Variants in ARIH1 observed in about 807,000 individuals in gnomAD.
The protein encoded by ARIH1 is ariadne RBR E3 ubiquitin protein ligase 1.
A neutral mutation model predicts 85.0 loss-of-function variants in ARIH1; 8 were observed. The ratio of observed to expected loss-of-function variants is 0.09; its 90% CI spans 0.06 to 0.17. The LOEUF is 0.17. Among genes scored for constraint, ARIH1 ranks in the 10% least tolerant of loss-of-function variants. The pLI, the probability that ARIH1 is intolerant of heterozygous loss-of-function variation, is 1.00. For synonymous variants in ARIH1, 238 were observed against 253.6 expected, an observed-to-expected ratio of 0.94 and a Z score of 0.59; for missense variants, 311 against 718.1, an observed-to-expected ratio of 0.43 and a Z score of 6.48.
At chr15:72,518,501 C>A (rs1340034949) in intron 2 of ARIH1, among the ~76,000 whole-genome samples, 8 of 152,010 alleles carry the variant, frequency 5.3e-5, no homozygotes. Context: ...AAAAAGATTT[C>A]TTGCTCATCC....
intron 10 of ARIH1, among the ~76,000 whole-genome samples, chr15:72,571,151 A>G (rs892612430): frequency 7.3e-5 from 11 of 150,902 alleles, no homozygotes; most frequent in Non-Finnish European, 1.5e-4. Context: ...AAAAAAAAAA[A>G]AAAAAAAGAA....
chr15:72,508,728 C>T (rs1056052610), intron 1 of ARIH1, among the ~76,000 whole-genome samples: 6 of 147,172 alleles, frequency 4.1e-5, no homozygotes, highest in East Asian at 2.0e-4. Context: ...GAGTCTCTCT[C>T]TATCACCCAG....
Position 72,591,273 on chromosome 15 carries a change from C to CAT in ARIH1, c.*7981_*7982insAT, listed in dbSNP as rs2064342465. On this transcript the variant is annotated 3_prime_UTR_variant, in exon 14 of 14. Transcript: ENST00000379887. ...AAGAAGAAGAAATACAAAACCAACT[C>CAT]TTTATAGTAGACAGTTTATCCCCCA... The CAT allele has an allele frequency of 6.7e-6, 1 of 149,010 alleles. No individual in the cohort carries two copies. The highest frequency in any genetic ancestry group is 2.5e-5 in the African/African-American group (1 of 40,698). 9.2% of individuals were successfully genotyped at this position (149,010 alleles called of 1,614,324 possible).
intron 3 of ARIH1, among the ~76,000 whole-genome samples, chr15:72,554,575 CAG>C (rs1159755133): frequency 2.6e-5 from 4 of 152,032 alleles, no homozygotes; most frequent in Non-Finnish European, 4.4e-5. Context: ...TTTGTGGAGA[CAG>C]AGTCTCACTA....
At chr15:72,478,764 G>A (rs1456754835) in intron 1 of ARIH1, among the ~76,000 whole-genome samples, 2 of 152,160 alleles carry the variant, frequency 1.3e-5, no homozygotes, top group Non-Finnish European at 2.9e-5. Flanking sequence ...CCACTGTCAC[G>A]ATTTTGACTC....
Position 72,498,961 on chromosome 15 carries a change from A to ATTTTTTTTT in ARIH1, c.376-19077_376-19069dup, listed in dbSNP as rs535261674. Among the ~76,000 whole-genome samples the ATTTTTTTTT allele has an allele frequency of 7.1e-4, 63 of 88,428 alleles. 2 individuals carry two copies. The highest frequency in any genetic ancestry group is 1.0e-3 in the Admixed American group (8 of 7,782). The allele number at this position is 88,428 out of a possible 152,430, so 58.0% of individuals were successfully genotyped here. A position where few individuals can be genotyped will look rare whatever the true frequency, so the allele number is the denominator to read the frequency against. On this transcript the variant is annotated intron_variant, in intron 1 of 13. Coordinates refer to ENST00000379887, the MANE Select transcript of ARIH1 (RefSeq NM_005744.5). ...TTATGTCGTTTGCACCTTTTCATAA[A>ATTTTTTTTT]TTTTTTTTTTTTTTTTTTTTTTTTT...
At chr15:72,555,163 AT>A in intron 3 of ARIH1, 107 bp from the exon 4 acceptor site, 1 of 748,864 alleles carries the variant, frequency 1.3e-6, no homozygotes, top group Non-Finnish European at 2.2e-6. Flanking sequence ...CAAATTGGAC[AT>A]TTTAGCCACG....
chr15:72,548,336 T>C (rs987905431), intron 3 of ARIH1, among the ~76,000 whole-genome samples: 23 of 152,118 alleles, frequency 1.5e-4, no homozygotes, highest in African/African-American at 5.6e-4. Context: ...AACTGGGGGA[T>C]GGTAAATAGT....
At chr15:72,566,779 C>A (rs1185383574) in intron 8 of ARIH1, among the ~76,000 whole-genome samples, 174 bp downstream of exon 8, 1 of 151,960 alleles carries the variant, frequency 6.6e-6, no homozygotes, top group Non-Finnish European at 1.5e-5. Context: ...TAAGCCAAGT[C>A]AGCTCCTGAT....
At chr15:72,548,908 C>G (rs1197264978) in intron 3 of ARIH1, among the ~76,000 whole-genome samples, 1 of 152,126 alleles carries the variant, frequency 6.6e-6, no homozygotes, top group Admixed American at 6.6e-5. Flanking sequence ...GTTTACAACC[C>G]TTTGGAGTTA....
chr15:72,481,831 C>A (rs575009750), intron 1 of ARIH1, among the ~76,000 whole-genome samples: 15 of 152,080 alleles, frequency 9.9e-5, no homozygotes, highest in Non-Finnish European at 1.8e-4. Flanking sequence ...TCAGTATTTT[C>A]TTTTCTTTTC....
chr15:72,532,631 T>C (rs1490650203), intron 2 of ARIH1, among the ~76,000 whole-genome samples: 1 of 152,062 alleles, frequency 6.6e-6, no homozygotes, highest in Non-Finnish European at 1.5e-5. Context: ...TGTACATAGA[T>C]ACAAAAAAAC....
rs1275354491 is a variant in ARIH1, at chr15:72,590,013, T to C, written c.*6721T>C. 6.6e-6 allele frequency: 1 copy of C among 152,160 alleles called. No individual in the cohort carries two copies. Among genetic ancestry groups the C allele is most frequent in the Non-Finnish European group, 1.5e-5 (1 of 68,014 alleles). 9.4% of individuals were successfully genotyped at this position (152,160 alleles called of 1,614,324 possible). ...TATTTTCATTTTATAAATAAGAAAA[T>C]AGAAGCTCAAATAAAATGGGTAGTT... On this transcript the variant is annotated 3_prime_UTR_variant, in exon 14 of 14. Coordinates refer to ENST00000379887, the MANE Select transcript of ARIH1 (RefSeq NM_005744.5).
chr15:72,507,161 T>C (rs1375724686), intron 1 of ARIH1, among the ~76,000 whole-genome samples: 1 of 152,170 alleles, frequency 6.6e-6, no homozygotes, highest in African/African-American at 2.4e-5. Flanking sequence ...TAGCTAGGAC[T>C]ATAGGCGCAC....
chr15:72,510,736 CAAAAAAAAAAAAAAAAAAAAAA>C (rs57834481), intron 1 of ARIH1, among the ~76,000 whole-genome samples: 1 of 26,716 alleles, frequency 3.7e-5, no homozygotes, highest in Non-Finnish European at 7.0e-5. Context: ...GACTCTGACT[CAAAAAAAAAAAAAAAAAAAAAA>C]AAAAAAAAAA....
intron 11 of ARIH1, among the ~76,000 whole-genome samples, chr15:72,577,958 T>C (rs2064279129): frequency 6.6e-6 from 1 of 152,204 alleles, no homozygotes; most frequent in Admixed American, 6.5e-5. Flanking sequence ...GAAGGGTCCA[T>C]TCATAAAGGA....
At position 72,502,723 on chromosome 15, in the gene ARIH1, C is replaced by T. The variant is rs145241834; in HGVS notation, c.376-15344C>T. ...TGGGAAGCTGAGGTGAGAGGATTGC[C>T]TGAGCCTGGGAGGCAGAAGTTGCAG... On this transcript the variant is annotated intron_variant, in intron 1 of 13. Transcript: ENST00000379887. 3.8e-3 allele frequency among the ~76,000 whole-genome samples: 571 copies of T among 152,182 alleles called. 4 individuals carry two copies. Among genetic ancestry groups the T allele is most frequent in the African/African-American group, 0.013 (549 of 41,528 alleles).
At chr15:72,477,762 C>T (rs946697840) in intron 1 of ARIH1, among the ~76,000 whole-genome samples, 1 of 152,034 alleles carries the variant, frequency 6.6e-6, no homozygotes, top group African/African-American at 2.4e-5. Flanking sequence ...TTTGTGGCTA[C>T]CTAGCTTACC....
intron 1 of ARIH1, among the ~76,000 whole-genome samples, chr15:72,485,945 T>A (rs1217381029): frequency 6.6e-6 from 1 of 152,222 alleles, no homozygotes. Flanking sequence ...AGTGACTGGA[T>A]CCTTTGGGGC....
Sources: allele counts gnomAD v4.1 joint callset (sites outside exome capture counted in the v4.1 genomes callset), GRCh38; gene constraint gnomAD v4.1.1; transcripts MANE v1.5; gene names NCBI Gene and HGNC (gene_info 2026-07-23, HGNC 2026-07-21).